ENTREP2: variants seen among roughly 807,000 people sequenced by gnomAD.
ENTREP2 encodes endosomal transmembrane epsin interactor 2, also known as protein ENTREP2.
the ENTREP2 span, among the ~76,000 whole-genome samples, chr15:29,225,300 T>C: frequency 1.3e-5 from 2 of 152,228 alleles, no homozygotes; most frequent in Non-Finnish European, 2.9e-5. Flanking sequence ...GCCAGCATGC[T>C]GTCACCTCTC....
At chr15:29,368,375 T>C in the ENTREP2 span, among the ~76,000 whole-genome samples, 1 of 150,388 alleles carries the variant, frequency 6.6e-6, no homozygotes, top group Non-Finnish European at 1.5e-5. Context: ...ATACATCTCA[T>C]ACACACACAT....
the ENTREP2 span, among the ~76,000 whole-genome samples, chr15:29,674,238 T>A: frequency 1.3e-5 from 2 of 150,818 alleles, no homozygotes; most frequent in Non-Finnish European, 2.9e-5. Flanking sequence ...CTCCACCCTG[T>A]CCTGCTGCCT....
At chr15:29,293,672 G>T in the ENTREP2 span, among the ~76,000 whole-genome samples, 1 of 152,176 alleles carries the variant, frequency 6.6e-6, no homozygotes, top group Non-Finnish European at 1.5e-5. Context: ...TGTCCAGGCC[G>T]TCCCCTCTGT....
At chr15:29,359,644 C>A in the ENTREP2 span, among the ~76,000 whole-genome samples, 10 of 152,140 alleles carry the variant, frequency 6.6e-5, no homozygotes, top group Non-Finnish European at 1.3e-4. Context: ...ATCTCCTGAC[C>A]TCGTGATCTG....
At chr15:29,253,455 T>C in the ENTREP2 span, among the ~76,000 whole-genome samples, 3 of 150,818 alleles carry the variant, frequency 2.0e-5, no homozygotes, top group African/African-American at 4.9e-5. Flanking sequence ...TCTCTCTCTT[T>C]TTTTTTTTTT....
the ENTREP2 span, among the ~76,000 whole-genome samples, chr15:29,153,289 G>A: frequency 6.6e-6 from 1 of 152,074 alleles, no homozygotes; most frequent in African/African-American, 2.4e-5. Flanking sequence ...AGTCAGCTCA[G>A]GCTGCTATTA....
chr15:29,567,714 GCTATTACACA>G, the ENTREP2 span, among the ~76,000 whole-genome samples: 1 of 152,136 alleles, frequency 6.6e-6, no homozygotes, highest in Admixed American at 6.6e-5. Context: ...AGAGTAACAG[GCTATTACACA>G]CACAATAAGT....
chr15:29,236,381 C>T, the ENTREP2 span, among the ~76,000 whole-genome samples: 1 of 152,072 alleles, frequency 6.6e-6, no homozygotes, highest in African/African-American at 2.4e-5. Flanking sequence ...CACAATGGCT[C>T]ATTCCTGTAA....
the ENTREP2 span, among the ~76,000 whole-genome samples, chr15:29,435,896 G>A: frequency 6.6e-6 from 1 of 152,062 alleles, no homozygotes; most frequent in East Asian, 1.9e-4. Context: ...AGGCCTGGTT[G>A]CTCATGCTAT....
the ENTREP2 span, among the ~76,000 whole-genome samples, chr15:29,308,159 G>T: frequency 7.9e-5 from 12 of 151,950 alleles, no homozygotes; most frequent in African/African-American, 2.4e-4. Flanking sequence ...ACAGGAATTC[G>T]AACTGTCTTG....
the ENTREP2 span, among the ~76,000 whole-genome samples, chr15:29,311,866 A>C: frequency 6.6e-6 from 1 of 152,220 alleles, no homozygotes; most frequent in African/African-American, 2.4e-5. Context: ...CATTACTCCA[A>C]ATACAGTTCA....
chr15:29,261,209 T>TA, the ENTREP2 span, among the ~76,000 whole-genome samples: 1 of 152,060 alleles, frequency 6.6e-6, no homozygotes, highest in Non-Finnish European at 1.5e-5. Context: ...ATCCCATCTC[T>TA]AAAAAAATAG....
At chr15:29,606,183 G>C in the ENTREP2 span, among the ~76,000 whole-genome samples, 5 of 150,276 alleles carry the variant, frequency 3.3e-5, no homozygotes, top group African/African-American at 1.2e-4. Flanking sequence ...ACTTATCGTT[G>C]ACAAATCTGG....
the ENTREP2 span, among the ~76,000 whole-genome samples, chr15:29,171,952 T>C: frequency 5.3e-5 from 8 of 152,186 alleles, no homozygotes; most frequent in Admixed American, 2.0e-4. Flanking sequence ...ACAGCTCCTC[T>C]TGCAGTGCTG....
chr15:29,238,920 A>G, the ENTREP2 span, among the ~76,000 whole-genome samples: 14 of 152,284 alleles, frequency 9.2e-5, no homozygotes, highest in Admixed American at 2.0e-4. Context: ...ACCTCCCACC[A>G]GGCCCCATCT....
At chr15:29,381,130 G>A in the ENTREP2 span, among the ~76,000 whole-genome samples, 6 of 138 alleles carry the variant, frequency 0.043, no homozygotes, top group South Asian at 0.12. Context: ...GATTACAGGC[G>A]TCAGCTGCGC....
chr15:29,509,756 G>A, the ENTREP2 span, among the ~76,000 whole-genome samples: 26 of 152,236 alleles, frequency 1.7e-4, no homozygotes, highest in East Asian at 3.3e-3. Flanking sequence ...ATCAACTCAA[G>A]ACGGATTAAA....
the ENTREP2 span, among the ~76,000 whole-genome samples, chr15:29,349,845 CTGAGA>C: frequency 1.2e-4 from 19 of 152,230 alleles, no homozygotes; most frequent in African/African-American, 4.6e-4. Flanking sequence ...TTGCAGTGAG[CTGAGA>C]TAGCACCACT....
the ENTREP2 span, among the ~76,000 whole-genome samples, chr15:29,431,498 G>A: frequency 6.6e-6 from 1 of 151,724 alleles, no homozygotes; most frequent in African/African-American, 2.4e-5. Flanking sequence ...TTGCCCCGGA[G>A]ACATTTTACA....
Sources: allele counts gnomAD v4.1 joint callset (sites outside exome capture counted in the v4.1 genomes callset), GRCh38; gene constraint gnomAD v4.1.1; transcripts MANE v1.5; gene names NCBI Gene and HGNC (gene_info 2026-07-23, HGNC 2026-07-21).